The following RAD51B variants were observed in gnomAD, a reference collection of about 807,000 sequenced individuals.
RAD51B encodes the protein RAD51 paralog B, also known as DNA repair protein RAD51 homolog 2.
Under a neutral mutation model 42.2 loss-of-function variants are expected in RAD51B, and 38 were observed. The ratio of observed to expected loss-of-function variants is 0.90; its 90% CI spans 0.70 to 1.18. RAD51B has a LOEUF of 1.18. Among genes scored for constraint, RAD51B ranks in the 50% most tolerant of loss-of-function variants. RAD51B has a pLI of 0.00. For synonymous variants in RAD51B, 154 were observed against 145.2 expected (o/e 1.06, Z -0.43); for missense variants, 373 against 400.7 (o/e 0.93, Z 0.59).
chr14:68,518,054 C>T lies in RAD51B; in HGVS notation c.1036+49804C>T, dbSNP rs114828253. Among the ~76,000 whole-genome samples, 455 of 152,238 alleles carry T rather than the reference C, an allele frequency of 3.0e-3. 3 individuals carry two copies. Among genetic ancestry groups the T allele is most frequent in the African/African-American group, 9.8e-3 (405 of 41,528 alleles). On this transcript the variant is annotated intron_variant, in intron 10 of 10. Transcript: ENST00000487270. ...CCAGTCTAGAAGTGGGCAAAGTTCT[C>T]ACGTTGGCAGTACCTGCAGTGTGGG...
chr14:68,104,320 G>A (rs531815258), intron 7 of RAD51B, among the ~76,000 whole-genome samples: 93 of 152,148 alleles, frequency 6.1e-4, no homozygotes, highest in Non-Finnish European at 2.2e-4. Context: ...ATATGAGGGA[G>A]GGCAAACAAC....
chr14:67,956,963 T>C (rs2074561862), intron 7 of RAD51B, among the ~76,000 whole-genome samples: 1 of 152,234 alleles, frequency 6.6e-6, no homozygotes, highest in East Asian at 1.9e-4. Context: ...AGGCTTGTCC[T>C]TCATCTCTTC....
At chr14:68,421,851 C>T in intron 9 of RAD51B, 1 of 1,595,440 alleles carries the variant, frequency 6.3e-7, no homozygotes, top group Non-Finnish European at 8.6e-7. Flanking sequence ...CTTGGCAGTG[C>T]AGATGAAAAA....
At chr14:68,037,036 C>CCT (rs2076135306) in intron 7 of RAD51B, among the ~76,000 whole-genome samples, 1 of 106,534 alleles carries the variant, frequency 9.4e-6, no homozygotes, top group African/African-American at 3.8e-5. Context: ...CCCTCCCTCC[C>CCT]CCCCTCCCTT....
At chr14:67,982,667 CT>C (rs1465466479) in intron 7 of RAD51B, among the ~76,000 whole-genome samples, 1 of 152,070 alleles carries the variant, frequency 6.6e-6, no homozygotes, top group African/African-American at 2.4e-5. Flanking sequence ...CCATCTCAAT[CT>C]TTATCTATCA....
At chr14:68,580,647 G>A (rs374151979) in intron 10 of RAD51B, among the ~76,000 whole-genome samples, 19 of 152,100 alleles carry the variant, frequency 1.2e-4, no homozygotes, top group South Asian at 4.2e-4. Flanking sequence ...AACCCCTGCC[G>A]TCCTAGGTGC....
rs558455236 is a variant in RAD51B, at chr14:67,841,137, G to A, written c.315+5941G>A. 9.8e-5 allele frequency among the ~76,000 whole-genome samples: 15 copies of A among 152,326 alleles called. No individual in the cohort carries two copies. The South Asian group carries it at 3.1e-3, about 32-fold the overall frequency. On this transcript the variant is annotated intron_variant, in intron 4 of 10. Transcript: ENST00000471583. The stretch of plus-strand genomic sequence containing the variant: ...TAATAATAGCCATTCTGGCTGGTGT[G>A]AGATGGTATCTCATTGTGGTTTTGA...
At chr14:68,676,166 A>C (rs1893298606) in intron 11 of RAD51B, among the ~76,000 whole-genome samples, 2 of 152,332 alleles carry the variant, frequency 1.3e-5, no homozygotes, top group East Asian at 3.9e-4. Context: ...ACTCAAACGC[A>C]TGAGTTCATA....
intron 7 of RAD51B, among the ~76,000 whole-genome samples, chr14:67,947,297 C>T (rs189760958): frequency 2.0e-5 from 3 of 152,168 alleles, no homozygotes; most frequent in African/African-American, 4.8e-5. Context: ...CAGATTATTC[C>T]GGGGGTTAGG....
chr14:68,400,043 G>C (rs2140046159), intron 8 of RAD51B, among the ~76,000 whole-genome samples: 1 of 152,248 alleles, frequency 6.6e-6, no homozygotes, highest in African/African-American at 2.4e-5. Context: ...AAGAGCCAGT[G>C]ATCCAAAGTG....
At chr14:68,577,285 C>G (rs1412852073) in intron 10 of RAD51B, among the ~76,000 whole-genome samples, 1 of 152,034 alleles carries the variant, frequency 6.6e-6, no homozygotes, top group Non-Finnish European at 1.5e-5. Context: ...AGGAACTGCC[C>G]CTCCCTAGGA....
intron 7 of RAD51B, among the ~76,000 whole-genome samples, chr14:67,940,491 T>C (rs1444940125): frequency 6.6e-6 from 1 of 152,168 alleles, no homozygotes; most frequent in East Asian, 1.9e-4. Flanking sequence ...TATCCATCTA[T>C]TTTTTACTTT....
chr14:68,578,044 C>T (rs1042943614), intron 10 of RAD51B, among the ~76,000 whole-genome samples: 7 of 152,192 alleles, frequency 4.6e-5, no homozygotes, highest in East Asian at 1.9e-4. Context: ...AGCACATTGT[C>T]GAACACGTTG....
intron 8 of RAD51B, chr14:68,339,277 G>C: frequency 2.2e-6 from 2 of 927,666 alleles, no homozygotes; most frequent in East Asian, 4.9e-5. Flanking sequence ...TCCAGGGCCT[G>C]GGTGAACTGG....
intron 9 of RAD51B, among the ~76,000 whole-genome samples, chr14:68,417,996 G>C (rs1246437101): frequency 2.0e-5 from 3 of 152,170 alleles, no homozygotes; most frequent in Non-Finnish European, 4.4e-5. Context: ...CTAAGGTGGA[G>C]AGTCAGTCTT....
At chr14:68,641,674 A>G (rs1892464625) in intron 10 of RAD51B, among the ~76,000 whole-genome samples, 1 of 151,594 alleles carries the variant, frequency 6.6e-6, no homozygotes, top group Non-Finnish European at 1.5e-5. Context: ...GATTTTGTCA[A>G]ATGCTTTTTC....
At chr14:67,916,430 C>T (rs559600723) in intron 7 of RAD51B, among the ~76,000 whole-genome samples, 4 of 151,884 alleles carry the variant, frequency 2.6e-5, no homozygotes, top group Admixed American at 1.3e-4. Context: ...TTTGTAGAGA[C>T]GGGGTTTCGC....
At chr14:68,465,958 ATAAATAAATAAATAAAT>A (rs2085974657) in intron 9 of RAD51B, among the ~76,000 whole-genome samples, 1 of 109,550 alleles carries the variant, frequency 9.1e-6, no homozygotes, top group Non-Finnish European at 2.2e-5. Context: ...AAAAAAATAA[ATAAATAAATAAATAAAT>A]AAATAAATAA....
intron 10 of RAD51B, among the ~76,000 whole-genome samples, chr14:68,560,213 A>G: frequency 6.6e-6 from 1 of 152,224 alleles, no homozygotes; most frequent in Non-Finnish European, 1.5e-5. Context: ...AGGTCTTGCC[A>G]CATTCAAAGG....
Sources: allele counts gnomAD v4.1 joint callset (sites outside exome capture counted in the v4.1 genomes callset), GRCh38; gene constraint gnomAD v4.1.1; transcripts MANE v1.5; gene names NCBI Gene and HGNC (gene_info 2026-07-23, HGNC 2026-07-21).